The following GPAM variants were observed in gnomAD, a reference collection of about 807,000 sequenced individuals.
GPAM encodes the protein glycerol-3-phosphate acyltransferase 1, mitochondrial.
GPAM carries 56 observed loss-of-function variants against 105.0 expected under a neutral mutation model. The observed-to-expected ratio is 0.53, with a 90% CI of 0.43 to 0.67. The LOEUF is 0.67. Ranked by LOEUF, GPAM falls within the 30% of genes least tolerant of loss-of-function variation. GPAM has a pLI of 0.00. For synonymous variants in GPAM, 368 were observed against 354.4 expected, an observed-to-expected ratio of 1.04 and a Z score of -0.43; for missense variants, 855 against 989.8, an observed-to-expected ratio of 0.86 and a Z score of 1.83.
At chr10:112,193,734 A>G (rs368523506) in intron 1 of GPAM, among the ~76,000 whole-genome samples, 24 of 152,350 alleles carry the variant, frequency 1.6e-4, no homozygotes, top group African/African-American at 5.8e-4. Flanking sequence ...AGCAGATCCC[A>G]GGTCTGAAAA....
At chr10:112,192,115 A>C (rs1282538356) in intron 1 of GPAM, among the ~76,000 whole-genome samples, 3 of 152,182 alleles carry the variant, frequency 2.0e-5, no homozygotes, top group Non-Finnish European at 4.4e-5. Flanking sequence ...AGGAGGGTGG[A>C]ATGCCCCAAA....
intron 1 of GPAM, among the ~76,000 whole-genome samples, chr10:112,198,499 T>C (rs189683668): frequency 2.5e-4 from 38 of 152,338 alleles, no homozygotes; most frequent in Admixed American, 9.1e-4. Context: ...AAAAAGTACA[T>C]GTAAAAAATT....
intron 1 of GPAM, among the ~76,000 whole-genome samples, chr10:112,202,139 TC>T (rs1365161684): frequency 6.6e-6 from 1 of 152,222 alleles, no homozygotes; most frequent in Non-Finnish European, 1.5e-5. Context: ...TTTTAAAAAA[TC>T]AATGGCCAGA....
intron 1 of GPAM, among the ~76,000 whole-genome samples, chr10:112,200,225 ATG>A (rs1311044692): frequency 6.0e-5 from 7 of 115,800 alleles, no homozygotes; most frequent in African/African-American, 1.3e-4. Flanking sequence ...TCCACACTAT[ATG>A]TATATATATA....
Position 112,168,731 on chromosome 10 carries a change from G to A in GPAM, c.894+122C>T, listed in dbSNP as rs1426991405. On this transcript the variant is annotated intron_variant, in intron 10 of 21. Transcript: ENST00000348367. ...AACAACAACAAATTACCAAACTCAA[G>A]CAATAATCACTCCAGTTACTCAAAG... is the stretch of plus-strand genomic sequence containing the variant. 1.4e-5 allele frequency: 11 copies of A among 780,424 alleles called. 1 individual carries two copies. In the Admixed American group the frequency reaches 2.1e-4, roughly 15 times the overall value. The allele number at this position is 780,424 out of a possible 1,614,324, so 48.3% of individuals were successfully genotyped here.
chr10:112,166,478 G>C lies in GPAM; in HGVS notation c.1145C>G (p.Ala382Gly). The change falls in exon 12 of 22, where the codon GCA (alanine) becomes GGA (glycine). Residue 382 changes from alanine (A) to glycine (G), a missense_variant. Ala to Gly is a moderately conservative substitution (Grantham distance 60). Coordinates refer to ENST00000348367, the MANE Select transcript of GPAM (RefSeq NM_001244949.2). Reference protein sequence around the residue: ...PKKNESLWSVARGVIRMLRKN... With the variant: ...PKKNESLWSVGRGVIRMLRKN... ...TCGTAACATTCTAATAACACCTCTT[G>C]CTACACTCCACAGGCTCTCATTCTT... is the stretch of plus-strand genomic sequence containing the variant. 1 of 1,610,988 alleles carries C rather than the reference G, an allele frequency of 6.2e-7. No individual in the cohort carries two copies. The highest frequency in any genetic ancestry group is 8.5e-7 in the Non-Finnish European group (1 of 1,177,166).
intron 1 of GPAM, among the ~76,000 whole-genome samples, chr10:112,199,417 T>C (rs549643874): frequency 6.6e-6 from 1 of 152,226 alleles, no homozygotes; most frequent in African/African-American, 2.4e-5. Context: ...AATGAGATGT[T>C]GGTCAAAGGG....
chr10:112,151,862 G>A lies in GPAM; in HGVS notation c.*1688C>T, dbSNP rs1846926293. ...TCTACCCTAGTCAGTAAAATGGAAT[G>A]CTAAAACATGATATCTCATTCAACA... On this transcript the variant is annotated 3_prime_UTR_variant, in exon 22 of 22. Transcript: ENST00000348367. 1 of 984,362 alleles carries A rather than the reference G, an allele frequency of 1.0e-6. No individual in the cohort carries two copies. Among genetic ancestry groups the A allele is most frequent in the African/African-American group, 1.7e-5 (1 of 57,206 alleles). 61.0% of individuals were successfully genotyped at this position (984,362 alleles called of 1,614,324 possible).
rs574527463 is a variant in GPAM, at chr10:112,167,728, A to G, written c.1107+584T>C. Among the ~76,000 whole-genome samples, 6 of 152,354 alleles carry G rather than the reference A, an allele frequency of 3.9e-5. No homozygotes were observed. In the South Asian group the frequency reaches 1.0e-3, roughly 26 times the overall value. ...GGATGATGATAGGAGAAGCACAAGG[A>G]GGGTTTCAAAGGTCCTGGTAATATT... On this transcript the variant is annotated intron_variant, in intron 11 of 21. Transcript: ENST00000348367.
At position 112,177,106 on chromosome 10, in the gene GPAM, A is replaced by AAG. The variant is rs764899424; in HGVS notation, c.299+876_299+877dup. On this transcript the variant is annotated intron_variant, in intron 5 of 21. Coordinates refer to ENST00000348367, the MANE Select transcript of GPAM (RefSeq NM_001244949.2). ...AATTTAAATTTAAATGCAAATTTAA[A>AAG]AGAGAGAGAGAGAGAGACCAGCAGC... 2.3e-4 allele frequency among the ~76,000 whole-genome samples: 35 copies of AAG among 151,586 alleles called. No individual in the cohort carries two copies. In the South Asian group the frequency reaches 5.4e-3, roughly 24 times the overall value.
intron 8 of GPAM, 33 bp downstream of exon 8, chr10:112,172,936 GA>G: frequency 1.8e-6 from 2 of 1,106,384 alleles, no homozygotes; most frequent in Non-Finnish European, 2.8e-6. Context: ...CAATTGAGGG[GA>G]AAATGGGGTA....
Position 112,172,278 on chromosome 10 carries a change from T to G in GPAM, c.698A>C (p.His233Pro). Residue 233 changes from histidine to proline, a missense_variant, in exon 9 of 22, where the codon CAT (histidine) becomes CCT (proline). Physicochemically the swap from His to Pro is moderately conservative, Grantham distance 77. Coordinates refer to ENST00000348367, the MANE Select transcript of GPAM (RefSeq NM_001244949.2). ...GAAAGTGAGCAGCAGATAGTCAATA[T>G]GGGATCTATGAACTGGTAGAAACAG... ...PLLFLPVHRS[H>P]IDYLLLTFIL... 1 of 1,611,570 alleles carries G rather than the reference T, an allele frequency of 6.2e-7. No homozygotes were observed. The highest frequency in any genetic ancestry group is 8.5e-7 in the Non-Finnish European group (1 of 1,177,764).
At chr10:112,160,994 A>G in intron 15 of GPAM, 126 bp from the exon 16 acceptor site, 2 of 781,910 alleles carry the variant, frequency 2.6e-6, no homozygotes, top group Non-Finnish European at 2.2e-6. Flanking sequence ...CACATAGAGA[A>G]GTAGGGCCAG....
At chr10:112,184,646 G>C (rs563181281), upstream of GPAM, among the ~76,000 whole-genome samples, 1 of 152,318 alleles carries the variant, frequency 6.6e-6, no homozygotes, top group African/African-American at 2.4e-5. Flanking sequence ...GCTGGACAGT[G>C]GTCCTTGAGG....
rs757798045 is a variant in GPAM at position 112,178,073 on chromosome 10, T to C, written c.226-16A>G. 3 of 1,382,846 alleles carry C rather than the reference T, an allele frequency of 2.2e-6. No homozygotes were observed. 85.7% of individuals were successfully genotyped at this position (1,382,846 alleles called of 1,614,324 possible). A position where few individuals can be genotyped will look rare whatever the true frequency, so the allele number is the denominator to read the frequency against. ...AAAATTTGTCCTATATAAAACAAAGTAAATGTAGACATAAATACACAACTA... is the reference window on the plus strand; with the variant it reads ...AAAATTTGTCCTATATAAAACAAAGCAAATGTAGACATAAATACACAACTA... On this transcript the variant is annotated splice_polypyrimidine_tract_variant and intron_variant, in intron 4 of 21. Transcript: ENST00000348367.
upstream of GPAM, among the ~76,000 whole-genome samples, chr10:112,215,925 T>C (rs2133312143): frequency 6.6e-6 from 1 of 152,320 alleles, no homozygotes; most frequent in Non-Finnish European, 1.5e-5. Flanking sequence ...TCTTTCCAGC[T>C]GCTGCCACCC....
At position 112,200,796 on chromosome 10, in the gene GPAM, C is replaced by T. The variant is rs374279363; in HGVS notation, n.210+14372G>A. Among the ~76,000 whole-genome samples the T allele has an allele frequency of 1.3e-3, 196 of 152,264 alleles. 2 individuals are homozygous for T. Among genetic ancestry groups the T allele is most frequent in the African/African-American group, 4.5e-3 (186 of 41,550 alleles). On this transcript the variant is annotated intron_variant and non_coding_transcript_variant, in intron 1 of 3. Transcript: ENST00000480130. Reference sequence around the variant, plus strand: ...ACAAGTATGCAATAGTGTTTTGCTACTGTGGAATACTGTGTAGCTATTATT... The same window carrying T: ...ACAAGTATGCAATAGTGTTTTGCTATTGTGGAATACTGTGTAGCTATTATT...
At chr10:112,213,072 C>G (rs1396581392) in intron 1 of GPAM, among the ~76,000 whole-genome samples, 2 of 152,182 alleles carry the variant, frequency 1.3e-5, no homozygotes, top group East Asian at 3.9e-4. Flanking sequence ...ACTGTATTCT[C>G]AAAGCCTTGC....
In GPAM at chr10:112,161,655, T is replaced by C. The variant is rs542159321; in HGVS notation, c.1494+12A>G. 30 of 1,601,680 alleles carry C rather than the reference T, an allele frequency of 1.9e-5. No homozygotes were observed. Among genetic ancestry groups the C allele is most frequent in the African/African-American group, 4.0e-5 (3 of 74,828 alleles). The stretch of plus-strand genomic sequence containing the variant: ...GCTTCCTACTTAACTGCAGGTGACA[T>C]TGCAGACATACCTGCCTGTGTCTGT... On this transcript the variant is annotated intron_variant, in intron 15 of 21. Transcript: ENST00000348367.
Sources: gnomAD v4.1 joint callset for allele counts (sites outside exome capture counted in the v4.1 genomes callset) on GRCh38, gnomAD v4.1.1 for gene constraint, MANE v1.5 for transcripts, NCBI Gene and HGNC (gene_info 2026-07-23, HGNC 2026-07-21) for gene names.